Variants in CFAP61 observed in about 807,000 individuals in gnomAD.
CFAP61 encodes cilia- and flagella-associated protein 61.
Under a neutral mutation model 135.6 loss-of-function variants are expected in CFAP61, and 107 were observed. That is an observed-to-expected ratio of 0.79 (90% CI 0.67 to 0.93). The LOEUF is 0.93. Ranked by LOEUF, CFAP61 falls within the 40% of genes least tolerant of loss-of-function variation. The pLI, the probability that CFAP61 is intolerant of heterozygous loss-of-function variation, is 0.00. For synonymous variants in CFAP61, 575 were observed against 578.5 expected (o/e 0.99, Z 0.09); for missense variants, 1,507 against 1,556.2 (o/e 0.97, Z 0.53).
intron 18 of CFAP61, among the ~76,000 whole-genome samples, chr20:20,237,655 A>G (rs1311755329): frequency 2.0e-5 from 3 of 152,186 alleles, no homozygotes; most frequent in African/African-American, 7.2e-5. Flanking sequence ...GAGTACTATT[A>G]ACACACTCGA....
At chr20:20,252,244 C>T (rs918589519) in intron 20 of CFAP61, among the ~76,000 whole-genome samples, 1 of 152,196 alleles carries the variant, frequency 6.6e-6, no homozygotes, top group Non-Finnish European at 1.5e-5. Flanking sequence ...TGATTGGTTT[C>T]CCAGTGTCCA....
intron 13 of CFAP61, among the ~76,000 whole-genome samples, chr20:20,187,284 G>T (rs1259770216): frequency 6.6e-6 from 1 of 152,234 alleles, no homozygotes; most frequent in Non-Finnish European, 1.5e-5. Context: ...GGAGGAGGCA[G>T]CTGTCATGAG....
At chr20:20,356,144 G>A (rs2059145115) in intron 26 of CFAP61, among the ~76,000 whole-genome samples, 1 of 123,820 alleles carries the variant, frequency 8.1e-6, no homozygotes, top group South Asian at 3.2e-4. Flanking sequence ...CTGAGAGGAG[G>A]TGGTCACACT....
At chr20:20,053,205 C>T (rs934998114) in intron 1 of CFAP61, among the ~76,000 whole-genome samples, 5 of 152,108 alleles carry the variant, frequency 3.3e-5, no homozygotes, top group African/African-American at 1.2e-4. Flanking sequence ...AACCTGCCCT[C>T]AAAAACTGAA....
In CFAP61 at chr20:20,123,253, A is replaced by G. The variant is rs1170309034; in HGVS notation, c.860-19604A>G. ...TATTCTGCTAACCGTTCCTTTTGCCATGCAAAAGCTCTTTAGTTTAATTAA... is the reference window on the plus strand; with the variant it reads ...TATTCTGCTAACCGTTCCTTTTGCCGTGCAAAAGCTCTTTAGTTTAATTAA... On this transcript the variant is annotated intron_variant, in intron 8 of 26. Transcript: ENST00000245957. Among the ~76,000 whole-genome samples the G allele has an allele frequency of 2.0e-5, 3 of 151,696 alleles. 1 individual carries two copies. The highest frequency in any genetic ancestry group is 7.3e-5 in the African/African-American group (3 of 41,038).
intron 8 of CFAP61, among the ~76,000 whole-genome samples, chr20:20,130,591 C>T (rs1056174970): frequency 6.6e-6 from 1 of 151,248 alleles, no homozygotes; most frequent in Non-Finnish European, 1.5e-5. Flanking sequence ...TCTTTTTTTT[C>T]CCCCTGCTAG....
rs908850099 is a variant in CFAP61, at chr20:20,162,100, A to G, written c.1027-1950A>G. 5.3e-5 allele frequency among the ~76,000 whole-genome samples: 8 copies of G among 152,282 alleles called. No individual in the cohort carries two copies. The South Asian group carries it at 1.0e-3, about 20-fold the overall frequency. On this transcript the variant is annotated intron_variant, in intron 10 of 26. Transcript: ENST00000245957. ...TGTTCCCTTGCCTTTGCCAGCTTCT[A>G]GAAGCCACTTGCATTCCATGCCCTG...
At chr20:20,189,273 T>TG (rs952580826) in intron 14 of CFAP61, among the ~76,000 whole-genome samples, 2 of 152,186 alleles carry the variant, frequency 1.3e-5, no homozygotes, top group Non-Finnish European at 2.9e-5. Context: ...TGGTTTGTCT[T>TG]GCACTCTTTT....
chr20:20,237,601 G>A (rs1180852883), intron 18 of CFAP61, among the ~76,000 whole-genome samples: 1 of 152,170 alleles, frequency 6.6e-6, no homozygotes, highest in Admixed American at 6.5e-5. Flanking sequence ...TTGTGGCCAT[G>A]GATGCAGCTG....
chr20:20,291,060 C>G (rs997869806), intron 24 of CFAP61, among the ~76,000 whole-genome samples: 1 of 152,130 alleles, frequency 6.6e-6, no homozygotes, highest in African/African-American at 2.4e-5. Flanking sequence ...ACAAAGATTT[C>G]CCATGTAACC....
chr20:20,088,959 G>A (rs2046992118), intron 6 of CFAP61, among the ~76,000 whole-genome samples: 1 of 152,126 alleles, frequency 6.6e-6, no homozygotes, highest in Admixed American at 6.5e-5. Flanking sequence ...AGTGCATGCG[G>A]TCATTCAGTT....
At chr20:20,144,904 C>G (rs1322371115) in intron 9 of CFAP61, among the ~76,000 whole-genome samples, 2 of 152,078 alleles carry the variant, frequency 1.3e-5, no homozygotes, top group Non-Finnish European at 2.9e-5. Flanking sequence ...AAAATAAACT[C>G]CACCCTAGAA....
intron 6 of CFAP61, among the ~76,000 whole-genome samples, 142 bp from the exon 7 acceptor site, chr20:20,090,688 CAAAAAAAAAAAAAA>C (rs138798717): frequency 9.7e-6 from 1 of 102,976 alleles, no homozygotes; most frequent in African/African-American, 3.8e-5. Flanking sequence ...GACTCCCTCT[CAAAAAAAAAAAAAA>C]AAAAAAAAAA....
intron 22 of CFAP61, 89 bp downstream of exon 22, chr20:20,277,547 A>G: frequency 7.4e-7 from 1 of 1,346,776 alleles, no homozygotes; most frequent in Non-Finnish European, 1.0e-6. Flanking sequence ...GCGGGCAGTG[A>G]ATTTGTAGTA....
At chr20:20,219,151 C>T (rs1219107336) in intron 17 of CFAP61, among the ~76,000 whole-genome samples, 1 of 152,048 alleles carries the variant, frequency 6.6e-6, no homozygotes, top group Non-Finnish European at 1.5e-5. Context: ...TCCTGTATTC[C>T]TTCACTTTTT....
At chr20:20,067,033 C>T (rs931549659) in intron 2 of CFAP61, among the ~76,000 whole-genome samples, 7 of 151,648 alleles carry the variant, frequency 4.6e-5, no homozygotes, top group Non-Finnish European at 8.8e-5. Context: ...AAAATCATTT[C>T]ACTGCATGTA....
At chr20:20,328,848 G>A (rs1046286979) in intron 25 of CFAP61, among the ~76,000 whole-genome samples, 1 of 152,146 alleles carries the variant, frequency 6.6e-6, no homozygotes, top group Non-Finnish European at 1.5e-5. Flanking sequence ...CCTCGTACCC[G>A]ATAGGATGGC....
At chr20:20,195,374 T>G (rs184083064) in intron 15 of CFAP61, among the ~76,000 whole-genome samples, 2 of 152,242 alleles carry the variant, frequency 1.3e-5, no homozygotes, top group African/African-American at 4.8e-5. Context: ...TATAAGTTGG[T>G]GTTTTGCAAC....
chr20:20,249,689 C>T (rs1036084687), intron 19 of CFAP61, among the ~76,000 whole-genome samples: 2 of 152,214 alleles, frequency 1.3e-5, no homozygotes, highest in African/African-American at 4.8e-5. Flanking sequence ...TTTTAACTCT[C>T]AAATATGCAT....
Sources: allele counts gnomAD v4.1 joint callset (sites outside exome capture counted in the v4.1 genomes callset), GRCh38; gene constraint gnomAD v4.1.1; transcripts MANE v1.5; gene names NCBI Gene and HGNC (gene_info 2026-07-23, HGNC 2026-07-21).